HMGCS1: variants seen among roughly 807,000 people sequenced by gnomAD.
HMGCS1 encodes the protein hydroxymethylglutaryl-CoA synthase, cytoplasmic.
HMGCS1 carries 9 observed loss-of-function variants against 52.3 expected under a neutral mutation model. The ratio of observed to expected loss-of-function variants is 0.17; its 90% CI spans 0.10 to 0.30. The LOEUF is 0.30. Ranked by LOEUF, HMGCS1 falls within the 10% of genes least tolerant of loss-of-function variation. The probability of loss-of-function intolerance (pLI) is 1.00; values close to 1 mark genes in which losing one functional copy is unlikely to be tolerated. For missense variants in HMGCS1, 320 were observed against 620.9 expected, an observed-to-expected ratio of 0.52 and a Z score of 5.15; for synonymous variants, 176 against 214.4, an observed-to-expected ratio of 0.82 and a Z score of 1.57.
chr5:43,301,041 G>A (rs1156337120), intron 2 of HMGCS1, among the ~76,000 whole-genome samples: 1 of 152,078 alleles, frequency 6.6e-6, no homozygotes, highest in Non-Finnish European at 1.5e-5. Context: ...ATTATATAAT[G>A]GAGAACTACC....
chr5:43,292,957 T>G lies in HMGCS1; in HGVS notation c.1200A>C (p.Lys400Asn). 6.2e-7 allele frequency: 1 copy of G among 1,603,220 alleles called. No individual in the cohort carries two copies. Among genetic ancestry groups the G allele is most frequent in the Non-Finnish European group, 8.5e-7 (1 of 1,176,678 alleles). Residue 400 changes from lysine (K) to asparagine (N), a missense_variant, in exon 9 of 11, where the codon AAA (lysine) becomes AAC (asparagine). Coordinates refer to ENST00000325110, the MANE Select transcript of HMGCS1 (RefSeq NM_001098272.3). Reference protein sequence around the residue: ...QDATPGSALDKITASLCDLKS... With the variant: ...QDATPGSALDNITASLCDLKS... ...TAAGATCACATAAACTTGCTGTTAT[T>G]TTATCAAGAGCAGACCCTAAAATAG...
intron 2 of HMGCS1, among the ~76,000 whole-genome samples, chr5:43,307,393 C>A (rs1035597364): frequency 6.6e-6 from 1 of 152,078 alleles, no homozygotes; most frequent in African/African-American, 2.4e-5. Context: ...TAATTTTAAA[C>A]ATTCATCCAC....
At chr5:43,296,005 A>G (rs1754014243) in intron 5 of HMGCS1, 88 bp from the exon 6 acceptor site, 1 of 958,038 alleles carries the variant, frequency 1.0e-6, no homozygotes, top group Non-Finnish European at 1.6e-6. Flanking sequence ...GGATATTTGT[A>G]TATGTTTAAA....
chr5:43,301,206 GC>G (rs1754300480), intron 2 of HMGCS1, among the ~76,000 whole-genome samples: 1 of 152,110 alleles, frequency 6.6e-6, no homozygotes, highest in Non-Finnish European at 1.5e-5. Context: ...ATGAAGAAAG[GC>G]AAGCTACAAG....
chr5:43,292,381 C>CTTACTATGAA (rs113830463), intron 10 of HMGCS1, 93 bp downstream of exon 10: 468,805 of 893,286 alleles, frequency 0.52, 128,416 homozygotes, highest in African/African-American at 0.77. Flanking sequence ...TCCCAGAGCC[C>CTTACTATGAA]TTACTCTTCT....
Position 43,292,941 on chromosome 5 carries a change from A to G in HMGCS1, c.1216T>C (p.Cys406Arg), listed in dbSNP as rs750369430. Residue 406 changes from cysteine to arginine, a missense_variant, in exon 9 of 11, where the codon TGT becomes CGT. Transcript: ENST00000325110. Reference sequence around the variant, plus strand: ...GAATCAAGCCTTGATTTAAGATCACATAAACTTGCTGTTATTTTATCAAGA... The same window carrying G: ...GAATCAAGCCTTGATTTAAGATCACGTAAACTTGCTGTTATTTTATCAAGA... ...SALDKITASL[C>R]DLKSRLDSRT... 2.5e-6 allele frequency: 4 copies of G among 1,604,884 alleles called. No individual in the cohort carries two copies. Among genetic ancestry groups the G allele is most frequent in the Non-Finnish European group, 3.4e-6 (4 of 1,177,002 alleles).
Position 43,291,090 on chromosome 5 carries a change from AT to A in HMGCS1, c.*40del. 2.5e-5 allele frequency: 11 copies of A among 440,278 alleles called. No homozygotes were observed. The highest frequency in any genetic ancestry group is 4.9e-5 in the East Asian group (1 of 20,396). The allele number at this position is 440,278 out of a possible 1,614,324, so 27.3% of individuals were successfully genotyped here. ...CCAACTGTTCCCATACCCCCACCCCATGCCCACCCCACCCTGAAGTCTTGCA... is the reference window on the plus strand; with the variant it reads ...CCAACTGTTCCCATACCCCCACCCCAGCCCACCCCACCCTGAAGTCTTGCA... On this transcript the variant is annotated 3_prime_UTR_variant, in exon 11 of 11. Transcript: ENST00000325110.
At chr5:43,300,802 G>GAAAAAAAAAAAA in intron 2 of HMGCS1, among the ~76,000 whole-genome samples, 1 of 120,426 alleles carries the variant, frequency 8.3e-6, no homozygotes, top group Non-Finnish European at 1.7e-5. Context: ...ATAGAGAAAG[G>GAAAAAAAAAAAA]AAAAAAAAAA....
intron 1 of HMGCS1, among the ~76,000 whole-genome samples, chr5:43,311,781 A>T (rs1262135430): frequency 2.6e-5 from 4 of 152,196 alleles, no homozygotes; most frequent in African/African-American, 9.6e-5. Context: ...ACAAGGCCCA[A>T]ATGATGTGGC....
rs1561114090 is a variant in HMGCS1, at chr5:43,296,983, G to A, written c.739+19C>T. 1 of 1,611,338 alleles carries A rather than the reference G, an allele frequency of 6.2e-7. No individual in the cohort carries two copies. Among genetic ancestry groups the A allele is most frequent in the South Asian group, 1.1e-5 (1 of 90,668 alleles). ...GCTCTCAACTCATACCAAAACCAAG[G>A]AAAATGGGTAAAACTTACCTTTCTG... On this transcript the variant is annotated intron_variant, in intron 5 of 10. Transcript: ENST00000325110.
intron 10 of HMGCS1, among the ~76,000 whole-genome samples, chr5:43,292,257 C>T (rs537892098): frequency 6.6e-6 from 1 of 152,216 alleles, no homozygotes; most frequent in Admixed American, 6.5e-5. Context: ...TCCCAAAGTG[C>T]TGGGATTACA....
intron 6 of HMGCS1, among the ~76,000 whole-genome samples, chr5:43,295,199 G>C (rs1347668170): frequency 6.6e-6 from 1 of 152,178 alleles, no homozygotes; most frequent in African/African-American, 2.4e-5. Context: ...ACTATTTCAA[G>C]TCCATAATAA....
chr5:43,298,970 A>G lies in HMGCS1; in HGVS notation c.-5T>C, dbSNP rs773960437. The G allele has an allele frequency of 4.4e-6, 7 of 1,598,616 alleles. No homozygotes were observed. The Admixed American group carries it at 7.1e-5, about 16-fold the overall frequency. The stretch of plus-strand genomic sequence containing the variant: ...CAAAGGAAGTGATCCAGGCATGGTG[A>G]AAGAGCTTTAGAAAGGAGAAACAGA... On this transcript the variant is annotated 5_prime_UTR_variant, in exon 3 of 11. Transcript: ENST00000325110. The surrounding 1 kb of genome is among the most constrained non-coding windows in gnomAD (Gnocchi z 5.6).
At chr5:43,311,354 T>C (rs1338271031) in intron 1 of HMGCS1, among the ~76,000 whole-genome samples, 1 of 151,352 alleles carries the variant, frequency 6.6e-6, no homozygotes, top group Non-Finnish European at 1.5e-5. Flanking sequence ...TCTAGTCCTA[T>C]CATTAGGACA....
intron 2 of HMGCS1, among the ~76,000 whole-genome samples, chr5:43,306,728 T>C (rs1283382370): frequency 6.6e-6 from 1 of 152,174 alleles, no homozygotes; most frequent in African/African-American, 2.4e-5. Flanking sequence ...AAAATTCAAT[T>C]TATATTTCAA....
intron 10 of HMGCS1, among the ~76,000 whole-genome samples, chr5:43,291,987 C>CTTTTTTTTTTTTTTTTTTTTTTTTT (rs537398917): frequency 3.6e-5 from 3 of 83,114 alleles, no homozygotes; most frequent in Non-Finnish European, 6.4e-5. Flanking sequence ...ACTGTATATT[C>CTTTTTTTTTTTTTTTTTTTTTTTTT]TTTTTTTTTT....
intron 1 of HMGCS1, among the ~76,000 whole-genome samples, chr5:43,310,056 C>T (rs1754783757): frequency 6.6e-6 from 1 of 152,204 alleles, no homozygotes; most frequent in African/African-American, 2.4e-5. Context: ...ACCTATTGAT[C>T]TTTCTCATTG....
intron 2 of HMGCS1, among the ~76,000 whole-genome samples, chr5:43,299,939 C>T (rs145781775): frequency 1.0e-3 from 153 of 152,216 alleles, no homozygotes; most frequent in African/African-American, 3.2e-3. Flanking sequence ...AACTTGTTGG[C>T]TGGGCTGGAA....
At chr5:43,306,661 A>G (rs537050558) in intron 2 of HMGCS1, among the ~76,000 whole-genome samples, 83 of 152,022 alleles carry the variant, frequency 5.5e-4, no homozygotes, top group Non-Finnish European at 1.0e-3. Flanking sequence ...ATATTCCAAG[A>G]CCCAGAAAAA....
Sources: gnomAD v4.1 joint callset for allele counts (sites outside exome capture counted in the v4.1 genomes callset) on GRCh38, gnomAD v4.1.1 for gene constraint, Gnocchi (gnomAD v3.1) non-coding constraint, MANE v1.5 for transcripts, NCBI Gene and HGNC (gene_info 2026-07-23, HGNC 2026-07-21) for gene names.